Variants in RAD23B observed in about 807,000 individuals in gnomAD.
The protein encoded by RAD23B is lysine-specific demethylase RAD23B.
A neutral mutation model predicts 49.1 loss-of-function variants in RAD23B; 5 were observed. That is an observed-to-expected ratio of 0.10 (90% CI 0.05 to 0.21). RAD23B has a LOEUF of 0.21. RAD23B is among the 10% of genes least tolerant of loss of function. The probability of loss-of-function intolerance (pLI) is 1.00; values close to 1 mark genes in which losing one functional copy is unlikely to be tolerated. For synonymous variants in RAD23B, 184 were observed against 165.4 expected, an observed-to-expected ratio of 1.11 and a Z score of -0.86; for missense variants, 356 against 486.7, an observed-to-expected ratio of 0.73 and a Z score of 2.53.
At chr9:107,315,669 A>G (rs1200687602) in intron 5 of RAD23B, among the ~76,000 whole-genome samples, 1 of 151,846 alleles carries the variant, frequency 6.6e-6, no homozygotes, top group East Asian at 1.9e-4. Context: ...GCCTGCCACC[A>G]TGCCCAGATA....
chr9:107,288,409 T>C (rs1438664956), intron 1 of RAD23B, among the ~76,000 whole-genome samples: 1 of 152,156 alleles, frequency 6.6e-6, no homozygotes, highest in Non-Finnish European at 1.5e-5. Context: ...GGATAAAGTA[T>C]TTGATAATAC....
chr9:107,283,967 G>A, intron 1 of RAD23B: 1 of 1,129,544 alleles, frequency 8.9e-7, no homozygotes, highest in Non-Finnish European at 1.1e-6. Flanking sequence ...CCTGGGCCTA[G>A]GAGCTCGTGC....
At chr9:107,287,454 TG>T (rs1368989055) in intron 1 of RAD23B, among the ~76,000 whole-genome samples, 1 of 152,256 alleles carries the variant, frequency 6.6e-6, no homozygotes, top group Admixed American at 6.5e-5. Context: ...ATACATTGGA[TG>T]TTTTTGCTAA....
At chr9:107,286,296 G>A (rs192737895) in intron 1 of RAD23B, among the ~76,000 whole-genome samples, 50 of 152,320 alleles carry the variant, frequency 3.3e-4, no homozygotes, top group South Asian at 8.3e-4. Flanking sequence ...CAGGACTGGA[G>A]GAGTACAGGG....
intron 3 of RAD23B, among the ~76,000 whole-genome samples, chr9:107,303,251 G>A (rs57474128): frequency 0.017 from 2,594 of 152,174 alleles, 61 homozygotes; most frequent in African/African-American, 0.059. Flanking sequence ...TTCATCAAAG[G>A]CCAAAAGTGG....
At chr9:107,311,770 T>C (rs1306589866) in intron 5 of RAD23B, 33 bp downstream of exon 5, 11 of 1,487,690 alleles carry the variant, frequency 7.4e-6, no homozygotes, top group Non-Finnish European at 1.0e-5. Flanking sequence ...AAATAACCTA[T>C]AAAGAGATAG....
At chr9:107,299,108 T>G (rs1826596775) in intron 1 of RAD23B, among the ~76,000 whole-genome samples, 1 of 152,196 alleles carries the variant, frequency 6.6e-6, no homozygotes, top group Admixed American at 6.5e-5. Flanking sequence ...GTCCCAGAGT[T>G]TTGAGGATTG....
intron 2 of RAD23B, among the ~76,000 whole-genome samples, chr9:107,301,169 C>T (rs1160914216): frequency 6.6e-6 from 1 of 152,176 alleles, no homozygotes; most frequent in South Asian, 2.1e-4. Flanking sequence ...TTGTGTACTT[C>T]GTGCATTTCT....
chr9:107,293,323 T>C (rs1468222024), intron 1 of RAD23B, among the ~76,000 whole-genome samples: 1 of 152,216 alleles, frequency 6.6e-6, no homozygotes, highest in African/African-American at 2.4e-5. Flanking sequence ...ACCAAAGGCT[T>C]GAATACCAAG....
At chr9:107,297,328 A>T (rs185560705) in intron 1 of RAD23B, among the ~76,000 whole-genome samples, 3 of 151,504 alleles carry the variant, frequency 2.0e-5, no homozygotes, top group East Asian at 2.0e-4. Flanking sequence ...TATGTTCTTA[A>T]TATTCTGTGT....
rs986164391 is a variant in RAD23B, at chr9:107,284,928, G to A, written c.66+1233G>A. On this transcript the variant is annotated intron_variant, in intron 1 of 9. Coordinates refer to ENST00000358015, the MANE Select transcript of RAD23B (RefSeq NM_002874.5). ...AAGATTAGATGGTATGTATTTACTTGGTGGTCAGTAAATGGAATCGATTAT... is the reference window on the plus strand; with the variant it reads ...AAGATTAGATGGTATGTATTTACTTAGTGGTCAGTAAATGGAATCGATTAT... 21 of 1,298,634 alleles carry A rather than the reference G, an allele frequency of 1.6e-5. No homozygotes were observed. In the African/African-American group the frequency reaches 2.9e-4, roughly 18 times the overall value. The allele number at this position is 1,298,634 out of a possible 1,614,324, so 80.4% of individuals were successfully genotyped here.
chr9:107,302,113 A>G lies in RAD23B; in HGVS notation c.227A>G (p.Lys76Arg). ...EKNFVVVMVT[K>R]PKAVSTPAPA... Reference sequence around the variant, plus strand: ...AACTTTGTGGTGGTTATGGTGACCAAAGTAAGTTTCAACCTCATTCTGTAT... The same window carrying G: ...AACTTTGTGGTGGTTATGGTGACCAGAGTAAGTTTCAACCTCATTCTGTAT... Residue 76 changes from lysine to arginine, a missense_variant and splice_region_variant, in exon 3 of 10, where the codon AAA becomes AGA. Lys to Arg is a conservative substitution (Grantham distance 26). Around this residue, in one of 5 missense-constraint regions of RAD23B, gnomAD observed 137 missense variants for 122.0 expected, o/e 1.12. Transcript: ENST00000358015. 6.2e-7 allele frequency: 1 copy of G among 1,612,886 alleles called. No homozygotes were observed. The highest frequency in any genetic ancestry group is 1.1e-5 in the South Asian group (1 of 90,956).
rs1482597586 is a variant in RAD23B, at chr9:107,318,117, G to GT, written c.554-632dup. On this transcript the variant is annotated intron_variant, in intron 5 of 9. Transcript: ENST00000358015. The surrounding 1 kb of genome is among the most constrained non-coding windows in gnomAD (Gnocchi z 4.3). ...TTGTACTCTGAAACATATTATATGAGTTTCCTGTTGCTACTGTAGTAAGTT... is the reference window on the plus strand; with the variant it reads ...TTGTACTCTGAAACATATTATATGAGTTTTCCTGTTGCTACTGTAGTAAGTT... Among the ~76,000 whole-genome samples, 1 of 152,076 alleles carries GT rather than the reference G, an allele frequency of 6.6e-6. No individual in the cohort carries two copies. The highest frequency in any genetic ancestry group is 1.5e-5 in the Non-Finnish European group (1 of 68,028).
chr9:107,312,653 A>G (rs948958841), intron 5 of RAD23B, among the ~76,000 whole-genome samples: 5 of 152,244 alleles, frequency 3.3e-5, no homozygotes, highest in African/African-American at 9.6e-5. Context: ...CCACTCTGCT[A>G]TCAAATACAG....
In RAD23B at chr9:107,315,206, C is replaced by T. The variant is rs556211027; in HGVS notation, c.553+3469C>T. Among the ~76,000 whole-genome samples, 138 of 152,230 alleles carry T rather than the reference C, an allele frequency of 9.1e-4. 1 individual carries two copies. The highest frequency in any genetic ancestry group is 2.9e-3 in the African/African-American group (122 of 41,530). ...TCTTCTAAATATGGCTATCCAATTT[C>T]CCAGCACCATTTGTTGAATAGGGTG... is the stretch of plus-strand genomic sequence containing the variant. On this transcript the variant is annotated intron_variant, in intron 5 of 9. Coordinates refer to ENST00000358015, the MANE Select transcript of RAD23B (RefSeq NM_002874.5).
chr9:107,286,677 T>C (rs1367827384), intron 1 of RAD23B, among the ~76,000 whole-genome samples: 1 of 152,188 alleles, frequency 6.6e-6, no homozygotes, highest in Non-Finnish European at 1.5e-5. Flanking sequence ...TGTGCTTTTT[T>C]TGTTTTTTAC....
chr9:107,285,035 A>G (rs10739234), intron 1 of RAD23B: 754,655 of 1,093,090 alleles, frequency 0.69, 263,288 homozygotes, highest in African/African-American at 0.92. Flanking sequence ...TACATCTTTA[A>G]TTTTTTAAGA....
intron 4 of RAD23B, 95 bp downstream of exon 4, chr9:107,306,742 A>C (rs181765396): frequency 1.7e-5 from 23 of 1,350,010 alleles, no homozygotes; most frequent in African/African-American, 2.9e-5. Context: ...CAAACCGACT[A>C]TATCTATTAC....
chr9:107,319,599 T>C lies in RAD23B; in HGVS notation c.681+720T>C, dbSNP rs182182644. On this transcript the variant is annotated intron_variant, in intron 6 of 9. Coordinates refer to ENST00000358015, the MANE Select transcript of RAD23B (RefSeq NM_002874.5). ...TTTTTGCAAGGGATTAAGGAAAATA[T>C]TTTAGATCGTGGAATCTAATTCATT... 6.1e-3 allele frequency among the ~76,000 whole-genome samples: 936 copies of C among 152,322 alleles called. 34 individuals carry two copies. The highest frequency in any genetic ancestry group is 0.056 in the Admixed American group (858 of 15,296).
Sources: allele counts gnomAD v4.1 joint callset (sites outside exome capture counted in the v4.1 genomes callset), GRCh38; gene constraint gnomAD v4.1.1; regional missense constraint gnomAD v4.1.1; non-coding constraint Gnocchi (gnomAD v3.1); transcripts MANE v1.5; gene names NCBI Gene and HGNC (gene_info 2026-07-23, HGNC 2026-07-21).